DNAH12: variants seen among roughly 807,000 people sequenced by gnomAD.
DNAH12 encodes dynein axonemal heavy chain 12.
A neutral mutation model predicts 371.5 loss-of-function variants in DNAH12; 285 were observed. That is an observed-to-expected ratio of 0.77 (90% CI 0.70 to 0.85). The LOEUF (loss-of-function observed/expected upper bound fraction) is 0.85. DNAH12 is among the 40% of genes least tolerant of loss of function. The pLI is 0.00. For missense variants in DNAH12, 3,611 were observed against 3,689.4 expected, an observed-to-expected ratio of 0.98 and a Z score of 0.55; for synonymous variants, 1,200 against 1,213.0, an observed-to-expected ratio of 0.99 and a Z score of 0.22.
chr3:57,432,336 ATT>A (rs35536105), intron 32 of DNAH12, among the ~76,000 whole-genome samples: 33 of 137,822 alleles, frequency 2.4e-4, no homozygotes, highest in South Asian at 4.8e-4. Flanking sequence ...CACCCAGCTA[ATT>A]TTTTTTTTTT....
At chr3:57,490,751 G>C (rs1559715190) in intron 11 of DNAH12, among the ~76,000 whole-genome samples, 1 of 151,956 alleles carries the variant, frequency 6.6e-6, no homozygotes, top group East Asian at 1.9e-4. Flanking sequence ...ATAATTAATT[G>C]ATTCAAAGAC....
intron 60 of DNAH12, among the ~76,000 whole-genome samples, chr3:57,343,570 G>A (rs2062458181): frequency 6.6e-6 from 1 of 152,232 alleles, no homozygotes; most frequent in South Asian, 2.1e-4. Flanking sequence ...CTCCCCATGT[G>A]ATAGTCTGAA....
intron 65 of DNAH12, among the ~76,000 whole-genome samples, chr3:57,315,343 G>A (rs967679482): frequency 6.6e-6 from 1 of 151,166 alleles, no homozygotes; most frequent in East Asian, 1.9e-4. Flanking sequence ...ATATTAAAAT[G>A]CAAGTACACT....
At chr3:57,497,702 T>C (rs1305709611) in intron 11 of DNAH12, among the ~76,000 whole-genome samples, 1 of 152,126 alleles carries the variant, frequency 6.6e-6, no homozygotes, top group Non-Finnish European at 1.5e-5. Context: ...TAGGAACAAA[T>C]CTTTATGATC....
At chr3:57,464,578 A>G (rs2066144654) in intron 17 of DNAH12, among the ~76,000 whole-genome samples, 2 of 152,182 alleles carry the variant, frequency 1.3e-5, no homozygotes, top group African/African-American at 4.8e-5. Context: ...TAATACTTCA[A>G]TGCAAAGACA....
chr3:57,403,234 C>T lies in DNAH12; in HGVS notation c.6948+75G>A. 4.3e-6 allele frequency: 6 copies of T among 1,390,960 alleles called. No individual in the cohort carries two copies. In the South Asian group the frequency reaches 9.1e-5, roughly 21 times the overall value. 86.2% of individuals were successfully genotyped at this position (1,390,960 alleles called of 1,614,324 possible). A position where few individuals can be genotyped will look rare whatever the true frequency, so the allele number is the denominator to read the frequency against. ...CACTGGAGTTCAGTACACAGCTACA[C>T]AGGCTGGTTCTCTCTTTACGAGTAA... On this transcript the variant is annotated intron_variant, in intron 43 of 73. Transcript: ENST00000495027.
At chr3:57,499,071 T>C (rs2067420294) in intron 11 of DNAH12, among the ~76,000 whole-genome samples, 1 of 151,772 alleles carries the variant, frequency 6.6e-6, no homozygotes, top group Non-Finnish European at 1.5e-5. Context: ...ACAAAACAAA[T>C]AAATCTCAAA....
chr3:57,446,472 T>G (rs2065500455), intron 26 of DNAH12, 65 bp downstream of exon 26: 1 of 1,472,300 alleles, frequency 6.8e-7, no homozygotes, highest in African/African-American at 1.4e-5. Context: ...TTGCTTCCAT[T>G]TATCCAATTA....
At chr3:57,428,271 T>G (rs895971430) in intron 34 of DNAH12, 12 of 854,278 alleles carry the variant, frequency 1.4e-5, no homozygotes, top group Middle Eastern at 4.9e-4. Context: ...ATGACAGCCC[T>G]GGGAAGCTAA....
chr3:57,483,775 G>C (rs920108096), intron 12 of DNAH12, among the ~76,000 whole-genome samples: 27 of 147,722 alleles, frequency 1.8e-4, no homozygotes, highest in Non-Finnish European at 4.0e-4. Context: ...GTGAAACCCT[G>C]TCTCTACAAA....
chr3:57,385,266 G>C (rs2063478427), intron 48 of DNAH12, 83 bp downstream of exon 48: 1 of 152,156 alleles, frequency 6.6e-6, no homozygotes, highest in Non-Finnish European at 1.5e-5. Context: ...AAGTCTAGTA[G>C]CAAAACATTA....
Position 57,348,979 on chromosome 3 carries a change from G to A in DNAH12, c.9674+3106C>T, listed in dbSNP as rs116553334. Among the ~76,000 whole-genome samples, 1,389 of 152,104 alleles carry A rather than the reference G, an allele frequency of 9.1e-3. 11 individuals carry two copies. Among genetic ancestry groups the A allele is most frequent in the Non-Finnish European group, 0.014 (953 of 67,986 alleles). On this transcript the variant is annotated intron_variant, in intron 60 of 73. Transcript: ENST00000495027. Reference sequence around the variant, plus strand: ...CAACAAAAACAAAGATAAATAGATGGGACTTAATTAAACTAAAAACCTCCT... The same window carrying A: ...CAACAAAAACAAAGATAAATAGATGAGACTTAATTAAACTAAAAACCTCCT...
In DNAH12 at chr3:57,434,019, A is replaced by G. The variant is rs547141744; in HGVS notation, c.4656-191T>C. Among the ~76,000 whole-genome samples, 6 of 152,306 alleles carry G rather than the reference A, an allele frequency of 3.9e-5. No homozygotes were observed. In the South Asian group the frequency reaches 1.2e-3, roughly 32 times the overall value. On this transcript the variant is annotated intron_variant, in intron 30 of 73. Transcript: ENST00000495027. The stretch of plus-strand genomic sequence containing the variant: ...ACTACAAATCAAATTCTTCACTGTA[A>G]TATTATTTTCTCCAAAAGGGAATAT...
intron 52 of DNAH12, among the ~76,000 whole-genome samples, chr3:57,378,171 G>T (rs1182415836): frequency 6.6e-6 from 1 of 152,084 alleles, no homozygotes; most frequent in Non-Finnish European, 1.5e-5. Context: ...GGGGCAGCTT[G>T]TATCAGAATA....
At chr3:57,323,443 T>A (rs1372903416) in intron 63 of DNAH12, 26 bp downstream of exon 63, 1 of 1,506,070 alleles carries the variant, frequency 6.6e-7, no homozygotes, top group Admixed American at 2.5e-5. Context: ...TATGATTTCT[T>A]AAAAGTTTAC....
At chr3:57,437,431 A>C (rs2065163462) in intron 29 of DNAH12, among the ~76,000 whole-genome samples, 1 of 152,244 alleles carries the variant, frequency 6.6e-6, no homozygotes, top group South Asian at 2.1e-4. Context: ...TTTTAAAATT[A>C]TAAAAAATTT....
rs2064726768 is a variant in DNAH12, at chr3:57,425,229, C to G, written c.5254-88G>C. On this transcript the variant is annotated intron_variant, in intron 34 of 73. Coordinates refer to ENST00000495027, the MANE Select transcript of DNAH12 (RefSeq NM_001366028.2). Reference sequence around the variant, plus strand: ...CTTTATTTTTAAAAACTGATAAAAGCATACATGGTTTTAATAAGGTCTTTT... The same window carrying G: ...CTTTATTTTTAAAAACTGATAAAAGGATACATGGTTTTAATAAGGTCTTTT... 9.3e-6 allele frequency: 6 copies of G among 644,896 alleles called. No individual in the cohort carries two copies. The East Asian group carries it at 1.6e-4, about 18-fold the overall frequency. 39.9% of individuals were successfully genotyped at this position (644,896 alleles called of 1,614,324 possible).
At chr3:57,537,754 G>A (rs1298395864) in intron 2 of DNAH12, among the ~76,000 whole-genome samples, 1 of 146,538 alleles carries the variant, frequency 6.8e-6, no homozygotes, top group African/African-American at 2.6e-5. Flanking sequence ...GCATGATCTT[G>A]GCTCACTGCA....
chr3:57,336,605 G>A (rs1339117109), intron 60 of DNAH12, among the ~76,000 whole-genome samples: 1 of 122,646 alleles, frequency 8.2e-6, no homozygotes, highest in Non-Finnish European at 1.8e-5. Context: ...CAGATAATTG[G>A]AACTCTGGAT....
Sources: allele counts gnomAD v4.1 joint callset (sites outside exome capture counted in the v4.1 genomes callset), GRCh38; gene constraint gnomAD v4.1.1; transcripts MANE v1.5; gene names NCBI Gene and HGNC (gene_info 2026-07-23, HGNC 2026-07-21).